Variants in C13orf42 observed in about 807,000 individuals in gnomAD.
The protein encoded by C13orf42 is chromosome 13 open reading frame 42.
At chr13:51,167,261 ACTCT>A (rs764520541) in intron 1 of C13orf42, among the ~76,000 whole-genome samples, 4 of 151,516 alleles carry the variant, frequency 2.6e-5, no homozygotes, top group African/African-American at 7.3e-5. Context: ...ACACTCAAAC[ACTCT>A]CTCTCTTACA....
chr13:51,140,807 G>GTAGA (rs1331221196), intron 1 of C13orf42, among the ~76,000 whole-genome samples: 1 of 152,062 alleles, frequency 6.6e-6, no homozygotes, highest in Non-Finnish European at 1.5e-5. Flanking sequence ...TTCTAGGATG[G>GTAGA]TAGAGACCAT....
At chr13:51,108,136 C>A (rs1953381424) in intron 1 of C13orf42, among the ~76,000 whole-genome samples, 1 of 152,150 alleles carries the variant, frequency 6.6e-6, no homozygotes, top group African/African-American at 2.4e-5. Flanking sequence ...CCTCACATGG[C>A]CATCTTCTTA....
At chr13:51,153,984 A>G (rs999395780) in intron 1 of C13orf42, among the ~76,000 whole-genome samples, 3 of 151,604 alleles carry the variant, frequency 2.0e-5, no homozygotes, top group Non-Finnish European at 4.4e-5. Flanking sequence ...TGTGATACCC[A>G]TTACTCCCCA....
rs1953097348 is a variant in C13orf42 at position 51,084,249 on chromosome 13, C to G, written c.880G>C (p.Glu294Gln). The G allele has an allele frequency of 2.5e-6, 1 of 398,586 alleles. No individual in the cohort carries two copies. The highest frequency in any genetic ancestry group is 4.4e-6 in the Non-Finnish European group (1 of 226,144). 24.7% of individuals were successfully genotyped at this position (398,586 alleles called of 1,614,324 possible). ...MEWDAELFALEPQLSPGEDYY... is the reference protein window; with the variant it reads ...MEWDAELFALQPQLSPGEDYY... ...TCCTCCCCAGGAGACAACTGGGGCT[C>G]CAACGCAAAGAGCTCTGCATCCCAC... The change falls in exon 4 of 4, where the codon GAG (glutamate) becomes CAG (glutamine). Residue 294 changes from glutamate (E) to glutamine (Q), a missense_variant. Coordinates refer to ENST00000563710, the MANE Select transcript of C13orf42 (RefSeq NM_001351589.3).
chr13:51,086,067 G>A (rs1204342639), intron 2 of C13orf42, among the ~76,000 whole-genome samples: 2 of 151,944 alleles, frequency 1.3e-5, no homozygotes, highest in Non-Finnish European at 2.9e-5. Context: ...AACACTTTGG[G>A]AGGCTGAGGC....
rs562399121 is a variant in C13orf42 at position 51,082,408 on chromosome 13, A to G, written c.*1743T>C. 1.3e-5 allele frequency: 2 copies of G among 152,334 alleles called. No individual in the cohort carries two copies. Among genetic ancestry groups the G allele is most frequent in the African/African-American group, 2.4e-5 (1 of 41,580 alleles). 9.4% of individuals were successfully genotyped at this position (152,334 alleles called of 1,614,324 possible). On this transcript the variant is annotated 3_prime_UTR_variant, in exon 4 of 4. Transcript: ENST00000563710. ...ATGCTTTTTAAAAAATCAGGACTCCAAACATCCTCGCAGTCATGTTTATTT... is the reference window on the plus strand; with the variant it reads ...ATGCTTTTTAAAAAATCAGGACTCCGAACATCCTCGCAGTCATGTTTATTT...
intron 1 of C13orf42, among the ~76,000 whole-genome samples, chr13:51,153,493 TCTC>T (rs1325440673): frequency 6.6e-6 from 1 of 151,914 alleles, no homozygotes; most frequent in Non-Finnish European, 1.5e-5. Context: ...AGAAAGCTTT[TCTC>T]CTACTTTAAA....
chr13:51,161,879 G>A (rs535300789), intron 1 of C13orf42: 2 of 482,066 alleles, frequency 4.1e-6, no homozygotes, highest in African/African-American at 2.0e-5. Context: ...ATTGTCAGTG[G>A]TGGTTCTGGC....
chr13:51,103,658 GC>G (rs1405119721), intron 1 of C13orf42, among the ~76,000 whole-genome samples: 2 of 152,102 alleles, frequency 1.3e-5, no homozygotes, highest in South Asian at 4.2e-4. Flanking sequence ...CCAAGATCGC[GC>G]CACTGCATAC....
At chr13:51,091,576 T>C (rs1953180742) in intron 1 of C13orf42, among the ~76,000 whole-genome samples, 1 of 152,186 alleles carries the variant, frequency 6.6e-6, no homozygotes, top group Admixed American at 6.5e-5. Flanking sequence ...GTAACAGTGG[T>C]ACCTAATCCC....
upstream of C13orf42, among the ~76,000 whole-genome samples, chr13:51,116,248 G>A (rs8002769): frequency 0.58 from 87,776 of 151,940 alleles, 25,606 homozygotes; most frequent in East Asian, 0.74. Context: ...GAAGGGGCAC[G>A]TCTGACAATG....
At chr13:51,156,549 G>A (rs886168486) in intron 1 of C13orf42, among the ~76,000 whole-genome samples, 9 of 152,160 alleles carry the variant, frequency 5.9e-5, no homozygotes, top group East Asian at 1.9e-4. Context: ...TGATCAAAAG[G>A]CCACACAGAC....
rs79376064 is a variant in C13orf42, at chr13:51,111,003, C to T, written c.207G>A (p.Leu69=). ...TCCACGCCCGGTCCTCCTCCTGCCGCAGGTAGTACAGGCTGGTGTCCATGC... is the reference window on the plus strand; with the variant it reads ...TCCACGCCCGGTCCTCCTCCTGCCGTAGGTAGTACAGGCTGGTGTCCATGC... ...TSSMDTSLYY[L]RQEEDRAWMY... Residue 69 remains leucine (L), a synonymous_variant, in exon 1 of 4, where the codon CTG becomes CTA. Transcript: ENST00000563710. 5.0e-6 allele frequency: 2 copies of T among 398,686 alleles called. No homozygotes were observed. Among genetic ancestry groups the T allele is most frequent in the Non-Finnish European group, 8.8e-6 (2 of 226,108 alleles). 24.7% of individuals were successfully genotyped at this position (398,686 alleles called of 1,614,324 possible).
chr13:51,123,486 T>G (rs760501186), intron 1 of C13orf42, among the ~76,000 whole-genome samples: 1 of 152,172 alleles, frequency 6.6e-6, no homozygotes, highest in Non-Finnish European at 1.5e-5. Context: ...TCTTCAAATT[T>G]CAAAGCAGGT....
intron 1 of C13orf42, among the ~76,000 whole-genome samples, chr13:51,154,339 G>A (rs1030354819): frequency 6.6e-6 from 1 of 152,170 alleles, no homozygotes; most frequent in African/African-American, 2.4e-5. Context: ...ATTCTGTTGG[G>A]TATGTTTGGA....
chr13:51,102,288 C>G lies in C13orf42; in HGVS notation c.414+8508G>C, dbSNP rs533999166. Among the ~76,000 whole-genome samples the G allele has an allele frequency of 1.4e-4, 21 of 152,250 alleles. No homozygotes were observed. The South Asian group carries it at 4.1e-3, about 30-fold the overall frequency. ...TAATTATCAATGGTGTAAAACAGAT[C>G]AAGAACCTGCTTCCTATCCCATATG... On this transcript the variant is annotated intron_variant, in intron 1 of 3. Coordinates refer to ENST00000563710, the MANE Select transcript of C13orf42 (RefSeq NM_001351589.3).
At chr13:51,142,146 A>G (rs1953700516) in intron 1 of C13orf42, among the ~76,000 whole-genome samples, 3 of 152,232 alleles carry the variant, frequency 2.0e-5, no homozygotes, top group African/African-American at 7.2e-5. Flanking sequence ...ATTTAGTAAT[A>G]TTACCATAGC....
intron 1 of C13orf42, among the ~76,000 whole-genome samples, chr13:51,165,566 T>C (rs1024223283): frequency 2.6e-5 from 4 of 152,032 alleles, no homozygotes; most frequent in African/African-American, 9.7e-5. Context: ...ACCAAGGATG[T>C]AAGAGACAAC....
chr13:51,155,754 T>C lies in C13orf42; in HGVS notation n.136+16499A>G, dbSNP rs185138154. Among the ~76,000 whole-genome samples, 5 of 152,362 alleles carry C rather than the reference T, an allele frequency of 3.3e-5. No individual in the cohort carries two copies. The East Asian group carries it at 7.7e-4, about 23-fold the overall frequency. ...CATTCAAAGACAATCTCAACTGATG[T>C]TACCATTTCTTACTTCCAAGTCTTG... On this transcript the variant is annotated intron_variant and non_coding_transcript_variant, in intron 1 of 4. Transcript: ENST00000433280.
Sources: allele counts gnomAD v4.1 joint callset (sites outside exome capture counted in the v4.1 genomes callset), GRCh38; gene constraint gnomAD v4.1.1; transcripts MANE v1.5; gene names NCBI Gene and HGNC (gene_info 2026-07-23, HGNC 2026-07-21).